The following MCM7 variants were observed in gnomAD, a reference collection of about 807,000 sequenced individuals.
MCM7 encodes minichromosome maintenance complex component 7, also known as DNA replication licensing factor MCM7.
In MCM7, 95 loss-of-function variants were observed where a neutral mutation model predicts 83.5. That is an observed-to-expected ratio of 1.14 (90% CI 0.96 to 1.35). The LOEUF (loss-of-function observed/expected upper bound fraction) is 1.35. Ranked by LOEUF, MCM7 falls within the 40% of genes most tolerant of loss-of-function variation. The pLI, the probability that MCM7 is intolerant of heterozygous loss-of-function variation, is 0.00. For synonymous variants in MCM7, 461 were observed against 352.7 expected, an observed-to-expected ratio of 1.31 and a Z score of -3.44; for missense variants, 1,087 against 957.4, an observed-to-expected ratio of 1.14 and a Z score of -1.79.
intron 10 of MCM7, among the ~76,000 whole-genome samples, chr7:100,097,071 G>A (rs1272698611): frequency 2.6e-5 from 4 of 152,096 alleles, no homozygotes; most frequent in East Asian, 1.9e-4. Context: ...ACTGCACTCC[G>A]GCCTGGGCGA....
intron 14 of MCM7, 71 bp from the exon 15 acceptor site, chr7:100,093,204 G>C: frequency 6.3e-7 from 1 of 1,595,918 alleles, no homozygotes; most frequent in Non-Finnish European, 8.6e-7. Context: ...GAGAACAATG[G>C]TGGCCAGTGT....
rs1012278028 is a variant in MCM7 at position 100,097,814 on chromosome 7, C to T, written c.985+20G>A. The T allele has an allele frequency of 6.2e-6, 10 of 1,614,076 alleles. No homozygotes were observed. In the Admixed American group the frequency reaches 6.7e-5, roughly 11 times the overall value. ...AGCTAGGATGTAAACGGAATTTCCT[C>T]TCTCTCCCCTGCCCCTCACCTGCAA... On this transcript the variant is annotated intron_variant, in intron 8 of 14. Transcript: ENST00000303887.
intron 2 of MCM7, 117 bp from the exon 3 acceptor site, chr7:100,099,870 G>T: frequency 6.9e-7 from 1 of 1,451,856 alleles, no homozygotes; most frequent in Non-Finnish European, 9.5e-7. Flanking sequence ...CCACAGGGGA[G>T]AACGCAGCGC....
chr7:100,099,107 G>T lies in MCM7; in HGVS notation c.498C>A (p.Ile166=), dbSNP rs141429273. The T allele has an allele frequency of 3.7e-6, 6 of 1,613,994 alleles. No homozygotes were observed. The African/African-American group carries it at 8.0e-5, about 22-fold the overall frequency. The part of the protein sequence containing the change: ...SVGKLVTVRG[I]VTRVSEVKPK... Reference sequence around the variant, plus strand: ...GTTTGACTTCAGAGACACGAGTGACGATTCCACGCACAGTTACCAACTTCC... The same window carrying T: ...GTTTGACTTCAGAGACACGAGTGACTATTCCACGCACAGTTACCAACTTCC... The change falls in exon 5 of 15, where the codon ATC becomes ATA. Residue 166 remains isoleucine, a synonymous_variant. Transcript: ENST00000303887.
chr7:100,093,434 GGGA>G, intron 13 of MCM7, 33 bp from the exon 14 acceptor site: 1 of 1,592,774 alleles, frequency 6.3e-7, no homozygotes, highest in Middle Eastern at 1.7e-4. Context: ...AGATGGGAAC[GGGA>G]GGAGGGCAGT....
At chr7:100,099,850 C>G in intron 2 of MCM7, 97 bp from the exon 3 acceptor site, 1 of 1,527,752 alleles carries the variant, frequency 6.5e-7, no homozygotes. Context: ...TCAGCACAGG[C>G]TCTGGGCATC....
rs1037560365 is a variant in MCM7 at position 100,100,019 on chromosome 7, G to C, written c.106C>G (p.Gln36Glu). 1 of 1,613,490 alleles carries C rather than the reference G, an allele frequency of 6.2e-7. No individual in the cohort carries two copies. Among genetic ancestry groups the C allele is most frequent in the African/African-American group, 1.3e-5 (1 of 74,862 alleles). ...TTACCCAATCTTAGACTTACCAACT[G>C]GTTCCCATACTTGAACTGCTTCTTC... The part of the protein sequence containing the change: ...LGKKQFKYGN[Q>E]LVRLAHREQV... Residue 36 changes from glutamine to glutamate, a missense_variant, in exon 2 of 15, where the codon CAG becomes GAG. By Grantham distance (29) the Gln-to-Glu change is conservative (BLOSUM62 2). Coordinates refer to ENST00000303887, the MANE Select transcript of MCM7 (RefSeq NM_005916.5).
chr7:100,098,974 C>CA, intron 5 of MCM7, 49 bp downstream of exon 5: 1 of 1,609,160 alleles, frequency 6.2e-7, no homozygotes, highest in Non-Finnish European at 8.5e-7. Context: ...TTAATCTCTA[C>CA]AAAACAACTA....
At chr7:100,095,595 T>A in intron 11 of MCM7, 125 bp from the exon 12 acceptor site, 1 of 1,298,742 alleles carries the variant, frequency 7.7e-7, no homozygotes, top group Non-Finnish European at 1.1e-6. Flanking sequence ...TCCCGGGAAA[T>A]CCTCATCAGC....
chr7:100,101,075 A>G, intron 1 of MCM7, 189 bp downstream of exon 1: 1 of 747,118 alleles, frequency 1.3e-6, no homozygotes, highest in Non-Finnish European at 2.1e-6. Context: ...CTTTTCTTCA[A>G]CATCGATGGC....
chr7:100,101,204 A>T (rs1237436673), intron 1 of MCM7, 60 bp downstream of exon 1: 35 of 1,600,090 alleles, frequency 2.2e-5, no homozygotes, highest in East Asian at 1.6e-4. Flanking sequence ...GCTCACACCA[A>T]CAGGTGTTCC....
At chr7:100,098,015 CA>C in intron 7 of MCM7, 67 bp from the exon 8 acceptor site, 3 of 1,585,436 alleles carry the variant, frequency 1.9e-6, no homozygotes, top group Non-Finnish European at 2.6e-6. Context: ...GATTCCCTAA[CA>C]ATTTCTTGAC....
chr7:100,100,247 A>G, intron 1 of MCM7, 154 bp from the exon 2 acceptor site: 2 of 1,414,652 alleles, frequency 1.4e-6, no homozygotes, highest in Non-Finnish European at 9.2e-7. Flanking sequence ...ACTCTTTTTC[A>G]CAAGTCTGTT....
chr7:100,099,468 G>C, intron 3 of MCM7, 65 bp from the exon 4 acceptor site: 6 of 1,580,734 alleles, frequency 3.8e-6, no homozygotes, highest in Non-Finnish European at 4.3e-6. Context: ...AGAGCACAGA[G>C]AACACCAGGC....
chr7:100,097,372 A>C lies in MCM7; in HGVS notation c.1130T>G (p.Ile377Ser), dbSNP rs1393713402. 2 of 1,614,136 alleles carry C rather than the reference A, an allele frequency of 1.2e-6. No homozygotes were observed. Among genetic ancestry groups the C allele is most frequent in the African/African-American group, 1.3e-5 (1 of 75,040 alleles). The change falls in exon 10 of 15, where the codon ATC becomes AGC. Residue 377 changes from isoleucine to serine, a missense_variant. Transcript: ENST00000303887. ...RGMKIRGNIN[I>S]CLMGDPGVAK... ...CACACCAGGATCCCCCATCAGACAG[A>C]TGTTGATGTTGCCTGGAGGAAGGGA...
At position 100,094,259 on chromosome 7, in the gene MCM7, T is replaced by C. The variant is rs1356040291; in HGVS notation, c.1762A>G (p.Met588Val). The change falls in exon 13 of 15, where the codon ATG (methionine) becomes GTG (valine). Residue 588 changes from methionine to valine, a missense_variant. Transcript: ENST00000303887. ...ADYITAAYVEMRREAWASKDA... is the reference protein window; with the variant it reads ...ADYITAAYVEVRREAWASKDA... ...TTACTAGCCCAAGCCTCTCGCCTCA[T>C]CTCCACGTATGCTGCTGTGATGTAG... The C allele has an allele frequency of 4.3e-6, 7 of 1,614,026 alleles. No homozygotes were observed. Among genetic ancestry groups the C allele is most frequent in the South Asian group, 1.1e-5 (1 of 91,080 alleles).
At chr7:100,100,718 C>A in intron 1 of MCM7, 1 of 988,926 alleles carries the variant, frequency 1.0e-6, no homozygotes, top group Non-Finnish European at 1.2e-6. Context: ...GCAGCTCTCT[C>A]CGCGGCCGCC....
At chr7:100,099,895 C>T in intron 2 of MCM7, 119 bp downstream of exon 2, 2 of 1,424,290 alleles carry the variant, frequency 1.4e-6, no homozygotes, top group Non-Finnish European at 2.0e-6. Flanking sequence ...CAGAGCGATA[C>T]TCGCTTTTCA....
At chr7:100,096,398 C>A (rs574710664) in intron 10 of MCM7, among the ~76,000 whole-genome samples, 1 of 152,270 alleles carries the variant, frequency 6.6e-6, no homozygotes, top group East Asian at 1.9e-4. Context: ...GGCTCCTGGG[C>A]TCAAGCCATC....
Sources: allele counts gnomAD v4.1 joint callset (sites outside exome capture counted in the v4.1 genomes callset), GRCh38; gene constraint gnomAD v4.1.1; transcripts MANE v1.5; gene names NCBI Gene and HGNC (gene_info 2026-07-23, HGNC 2026-07-21).